The following YY1AP1 variants were observed in gnomAD, a reference collection of about 807,000 sequenced individuals.
YY1AP1 encodes YY1-associated protein 1.
Under a neutral mutation model 39.9 loss-of-function variants are expected in YY1AP1, and 43 were observed. That is an observed-to-expected ratio of 1.08 (90% confidence interval 0.84 to 1.39). YY1AP1 has a LOEUF of 1.39. YY1AP1 is among the 40% of genes most tolerant of loss of function. The pLI, the probability that YY1AP1 is intolerant of heterozygous loss-of-function variation, is 0.00. For synonymous variants in YY1AP1, 292 were observed against 331.3 expected, an observed-to-expected ratio of 0.88 and a Z score of 1.29; for missense variants, 813 against 900.7, an observed-to-expected ratio of 0.90 and a Z score of 1.25.
rs1653118362 is a variant in YY1AP1, at chr1:155,688,681, C to T, written c.-174G>A. On this transcript the variant is annotated 5_prime_UTR_variant, in exon 1 of 11. Transcript: ENST00000355499. ...TACCTTCAGCGGCGCGAGCCCAAGC[C>T]TTCTCCACCTCCTCTTCTCTCCTCC... 1.3e-6 allele frequency: 2 copies of T among 1,530,464 alleles called. No individual in the cohort carries two copies. The highest frequency in any genetic ancestry group is 1.7e-6 in the Non-Finnish European group (2 of 1,145,442). 94.8% of individuals were successfully genotyped at this position (1,530,464 alleles called of 1,614,324 possible).
chr1:155,663,278 C>T (rs947042986), intron 9 of YY1AP1, among the ~76,000 whole-genome samples: 11 of 147,414 alleles, frequency 7.5e-5, no homozygotes, highest in Admixed American at 2.7e-4. Flanking sequence ...GGCTGAGGCA[C>T]GAGAATCACT....
In YY1AP1 at chr1:155,688,073, T is replaced by C. The variant is rs964482682; in HGVS notation, c.-23A>G. 1.3e-6 allele frequency: 2 copies of C among 1,581,004 alleles called. No homozygotes were observed. Among genetic ancestry groups the C allele is most frequent in the African/African-American group, 1.3e-5 (1 of 74,390 alleles). On this transcript the variant is annotated splice_region_variant and 5_prime_UTR_variant, in exon 2 of 11. Transcript: ENST00000355499. ...CCGGCCCAAATCGTTCTACTCACCG[T>C]GTCGGAGGCCGAGAGCGATGAGAGT... is the stretch of plus-strand genomic sequence containing the variant.
chr1:155,688,939 T>C (rs150181705), upstream of YY1AP1: 206 of 1,612,776 alleles, frequency 1.3e-4, no homozygotes, highest in African/African-American at 2.5e-3. Context: ...CCTCCCTGGG[T>C]TCGTCGCCGC....
At chr1:155,683,000 C>T (rs1306228489) in intron 2 of YY1AP1, among the ~76,000 whole-genome samples, 1 of 151,680 alleles carries the variant, frequency 6.6e-6, no homozygotes, top group Admixed American at 6.6e-5. Context: ...GCAGGAGAAT[C>T]GCTTGAACCC....
rs1214669207 is a variant in YY1AP1, at chr1:155,686,160, C to T, written c.-21+1911G>A. On this transcript the variant is annotated intron_variant, in intron 2 of 10. Transcript: ENST00000355499. The stretch of plus-strand genomic sequence containing the variant: ...CGCCATTCTCCTGCCTCAGCCTCCC[C>T]GAGTAGCTGGGACTACAGGCGCCCG... Among the ~76,000 whole-genome samples, 3 of 151,330 alleles carry T rather than the reference C, an allele frequency of 2.0e-5. No homozygotes were observed. The East Asian group carries it at 5.8e-4, about 29-fold the overall frequency.
At chr1:155,664,167 C>A (rs1010608074) in intron 9 of YY1AP1, among the ~76,000 whole-genome samples, 1 of 151,402 alleles carries the variant, frequency 6.6e-6, no homozygotes, top group Admixed American at 6.6e-5. Context: ...TTTCTTAACA[C>A]CACACTAGGA....
At chr1:155,668,281 C>G (rs1649336121) in intron 9 of YY1AP1, among the ~76,000 whole-genome samples, 1 of 152,104 alleles carries the variant, frequency 6.6e-6, no homozygotes, top group Non-Finnish European at 1.5e-5. Context: ...TGCACTCCAG[C>G]CTGGGTGACA....
upstream of YY1AP1, chr1:155,688,914 TC>T: frequency 6.2e-7 from 1 of 1,613,024 alleles, no homozygotes; most frequent in Non-Finnish European, 8.5e-7. Context: ...GCCGGCCGAG[TC>T]CCATGACAAC....
intron 2 of YY1AP1, 124 bp downstream of exon 2, chr1:155,687,947 C>A: frequency 8.8e-7 from 1 of 1,130,606 alleles, no homozygotes; most frequent in Non-Finnish European, 1.2e-6. Context: ...TCCCCTCCCC[C>A]ATCTTCACCA....
chr1:155,668,801 A>C (rs561814180), intron 8 of YY1AP1, 24 bp from the exon 9 acceptor site: 4 of 1,613,906 alleles, frequency 2.5e-6, no homozygotes, highest in Non-Finnish European at 2.5e-6. Flanking sequence ...AATAACACTA[A>C]ATCTCACTTC....
At chr1:155,666,271 G>A (rs1446124081) in intron 9 of YY1AP1, among the ~76,000 whole-genome samples, 2 of 152,028 alleles carry the variant, frequency 1.3e-5, no homozygotes, top group African/African-American at 2.4e-5. Context: ...ACAGGCGCCC[G>A]CCACCACGCC....
chr1:155,668,871 T>C (rs2149039810), intron 8 of YY1AP1, 94 bp from the exon 9 acceptor site: 1 of 1,577,880 alleles, frequency 6.3e-7, no homozygotes, highest in Non-Finnish European at 8.7e-7. Flanking sequence ...TACTTTTTCT[T>C]ACTTGTTCTT....
chr1:155,670,152 G>A (rs1399112177), intron 8 of YY1AP1, among the ~76,000 whole-genome samples, 168 bp downstream of exon 8: 2 of 152,118 alleles, frequency 1.3e-5, no homozygotes, highest in Non-Finnish European at 2.9e-5. Context: ...CCCCCAAAAA[G>A]CAGTATTTGG....
chr1:155,676,856 C>A, intron 4 of YY1AP1, 110 bp from the exon 5 acceptor site: 1 of 1,074,768 alleles, frequency 9.3e-7, no homozygotes, highest in East Asian at 2.5e-5. Flanking sequence ...CCCTACTAAT[C>A]CCCCCTTTTC....
intron 2 of YY1AP1, among the ~76,000 whole-genome samples, chr1:155,682,035 T>G (rs1017573353): frequency 1.1e-4 from 16 of 152,082 alleles, no homozygotes; most frequent in African/African-American, 3.9e-4. Flanking sequence ...AGTCTCCAGA[T>G]GAAAACCAGA....
At chr1:155,677,107 C>T (rs1650808919) in intron 4 of YY1AP1, among the ~76,000 whole-genome samples, 1 of 152,108 alleles carries the variant, frequency 6.6e-6, no homozygotes, top group African/African-American at 2.4e-5. Context: ...ACTTGTTACT[C>T]CCTGGGATGT....
chr1:155,688,090 GA>G lies in YY1AP1; in HGVS notation c.-41del. The G allele has an allele frequency of 6.3e-7, 1 of 1,594,246 alleles. No individual in the cohort carries two copies. ...ACTCACCGTGTCGGAGGCCGAGAGC[GA>G]TGAGAGTACAGGGAAGTGAGGAAGA... On this transcript the variant is annotated 5_prime_UTR_variant, in exon 2 of 11. Coordinates refer to ENST00000355499, the MANE Select transcript of YY1AP1 (RefSeq NM_139119.3).
At chr1:155,674,940 CTG>C (rs767021647) in intron 6 of YY1AP1, 68 bp downstream of exon 6, 17 of 1,384,352 alleles carry the variant, frequency 1.2e-5, no homozygotes, top group Admixed American at 3.5e-5. Flanking sequence ...GAGAGAATAA[CTG>C]TGAGAAATAA....
At position 155,670,315 on chromosome 1, in the gene YY1AP1, C is replaced by A. The variant is rs984225587; in HGVS notation, c.728+5G>T. Reference sequence around the variant, plus strand: ...GATATTTGATCCCCCAGAGTAAACACTTACTTGTCCTCAGCCTTGGTGAAG... The same window carrying A: ...GATATTTGATCCCCCAGAGTAAACAATTACTTGTCCTCAGCCTTGGTGAAG... On this transcript the variant is annotated splice_donor_5th_base_variant and intron_variant, in intron 8 of 10. Transcript: ENST00000355499. 7 of 1,611,916 alleles carry A rather than the reference C, an allele frequency of 4.3e-6. No homozygotes were observed. Among genetic ancestry groups the A allele is most frequent in the African/African-American group, 1.3e-5 (1 of 74,842 alleles).
Sources: allele counts gnomAD v4.1 joint callset (sites outside exome capture counted in the v4.1 genomes callset), GRCh38; gene constraint gnomAD v4.1.1; transcripts MANE v1.5; gene names NCBI Gene and HGNC (gene_info 2026-07-23, HGNC 2026-07-21).